The following NKAIN3 variants were observed in gnomAD, a reference collection of about 807,000 sequenced individuals.
NKAIN3 encodes sodium/potassium-transporting ATPase subunit beta-1-interacting protein 3.
Under a neutral mutation model 30.2 loss-of-function variants are expected in NKAIN3, and 25 were observed. That is an observed-to-expected ratio of 0.83 (90% confidence interval 0.60 to 1.16). The LOEUF is 1.16. Ranked by LOEUF, NKAIN3 falls within the 50% of genes most tolerant of loss-of-function variation. The pLI, the probability that NKAIN3 is intolerant of heterozygous loss-of-function variation, is 0.00. For synonymous variants in NKAIN3, 91 were observed against 89.6 expected, an observed-to-expected ratio of 1.02 and a Z score of -0.09; for missense variants, 225 against 254.1, an observed-to-expected ratio of 0.89 and a Z score of 0.78.
intron 3 of NKAIN3, among the ~76,000 whole-genome samples, chr8:62,702,608 T>C (rs907642021): frequency 6.6e-6 from 1 of 152,180 alleles, no homozygotes; most frequent in Non-Finnish European, 1.5e-5. Flanking sequence ...GTTTTCTAGA[T>C]GGTTTCAAAT....
intron 3 of NKAIN3, among the ~76,000 whole-genome samples, chr8:62,672,860 G>C (rs1440672861): frequency 6.6e-6 from 1 of 151,962 alleles, no homozygotes; most frequent in African/African-American, 2.4e-5. Flanking sequence ...TAAAAAAATT[G>C]ATTTTTTCTC....
chr8:62,609,347 G>A (rs1276060435), intron 3 of NKAIN3, among the ~76,000 whole-genome samples: 1 of 152,152 alleles, frequency 6.6e-6, no homozygotes, highest in Middle Eastern at 3.2e-3. Flanking sequence ...ATGTGCTGAA[G>A]GCATTGTACT....
At chr8:62,945,087 C>T (rs940122177) in intron 5 of NKAIN3, among the ~76,000 whole-genome samples, 1 of 152,094 alleles carries the variant, frequency 6.6e-6, no homozygotes, top group African/African-American at 2.4e-5. Flanking sequence ...GGGAGCAAAA[C>T]ATATAAGAGC....
Position 62,675,942 on chromosome 8 carries a change from C to T in NKAIN3, c.274-70990C>T, listed in dbSNP as rs73685431. The stretch of plus-strand genomic sequence containing the variant: ...TATCCTTTATATTTATTTAAAATAC[C>T]CACCCACAAACAATACATTCCCTGC... On this transcript the variant is annotated intron_variant, in intron 3 of 6. Coordinates refer to ENST00000623646, the MANE Select transcript of NKAIN3 (RefSeq NM_001304533.3). Among the ~76,000 whole-genome samples the T allele has an allele frequency of 6.1e-3, 921 of 152,056 alleles. 6 individuals are homozygous for T. Among genetic ancestry groups the T allele is most frequent in the African/African-American group, 0.021 (868 of 41,448 alleles).
At chr8:62,360,248 G>A (rs1480044656) in intron 1 of NKAIN3, among the ~76,000 whole-genome samples, 1 of 152,192 alleles carries the variant, frequency 6.6e-6, no homozygotes, top group Non-Finnish European at 1.5e-5. Flanking sequence ...GGATGGGCTG[G>A]TTACTGATTG....
intron 1 of NKAIN3, among the ~76,000 whole-genome samples, chr8:62,409,134 G>A (rs1244460677): frequency 4.0e-5 from 6 of 151,380 alleles, no homozygotes; most frequent in Non-Finnish European, 7.4e-5. Context: ...TGCTATTTTT[G>A]TCACGGAAGT....
chr8:62,349,760 A>T (rs944766091), intron 1 of NKAIN3, among the ~76,000 whole-genome samples: 1 of 152,128 alleles, frequency 6.6e-6, no homozygotes, highest in Non-Finnish European at 1.5e-5. Context: ...GGCTTGTGCC[A>T]ACCAGAAGAC....
intron 4 of NKAIN3, among the ~76,000 whole-genome samples, chr8:62,887,402 T>C (rs1337359998): frequency 6.6e-6 from 1 of 152,080 alleles, no homozygotes; most frequent in Admixed American, 6.6e-5. Context: ...TGGGTTGATA[T>C]CTGATATTAA....
At chr8:62,811,494 A>G (rs1363437947) in intron 4 of NKAIN3, among the ~76,000 whole-genome samples, 2 of 152,076 alleles carry the variant, frequency 1.3e-5, no homozygotes, top group Non-Finnish European at 2.9e-5. Context: ...CCAGCAATAT[A>G]TGGGTGATCT....
At chr8:62,605,112 C>G (rs536074791) in intron 3 of NKAIN3, among the ~76,000 whole-genome samples, 1 of 152,188 alleles carries the variant, frequency 6.6e-6, no homozygotes, top group Non-Finnish European at 1.5e-5. Flanking sequence ...GAAGCTGACC[C>G]AAACTTAGTG....
At chr8:62,334,687 G>A (rs762512506) in intron 1 of NKAIN3, among the ~76,000 whole-genome samples, 54 of 152,016 alleles carry the variant, frequency 3.6e-4, no homozygotes, top group Non-Finnish European at 4.9e-4. Context: ...AACAACAGCC[G>A]TTTTGTTATA....
At chr8:62,585,402 G>A (rs984566618) in intron 2 of NKAIN3, among the ~76,000 whole-genome samples, 1 of 152,096 alleles carries the variant, frequency 6.6e-6, no homozygotes, top group Non-Finnish European at 1.5e-5. Context: ...TTGCCACATA[G>A]TACTCCTTTA....
intron 3 of NKAIN3, among the ~76,000 whole-genome samples, chr8:62,612,040 A>G (rs7004154): frequency 0.48 from 73,184 of 151,886 alleles, 20,716 homozygotes; most frequent in African/African-American, 0.79. Flanking sequence ...CTGATGATCA[A>G]TGATGCTAAA....
chr8:62,656,949 T>C (rs372099540), intron 3 of NKAIN3, among the ~76,000 whole-genome samples: 2 of 152,174 alleles, frequency 1.3e-5, no homozygotes, highest in East Asian at 1.9e-4. Flanking sequence ...TCATGAGAAA[T>C]GAATCATTTT....
chr8:62,252,652 C>T (rs756225553), intron 1 of NKAIN3, among the ~76,000 whole-genome samples: 3 of 152,158 alleles, frequency 2.0e-5, no homozygotes, highest in Non-Finnish European at 2.9e-5. Context: ...AGTATGAATA[C>T]AGGCCCATCA....
intron 4 of NKAIN3, among the ~76,000 whole-genome samples, chr8:62,763,223 A>T (rs1816725756): frequency 3.7e-5 from 1 of 27,240 alleles, no homozygotes; most frequent in Non-Finnish European, 6.6e-5. Flanking sequence ...CTCCGTCTCA[A>T]AAAAAAAAAA....
chr8:62,378,277 C>T (rs1817158000), intron 1 of NKAIN3, among the ~76,000 whole-genome samples: 3 of 152,064 alleles, frequency 2.0e-5, no homozygotes, highest in Admixed American at 2.0e-4. Context: ...AATTTCTAAG[C>T]AGTAAAGCAT....
chr8:62,744,742 G>A (rs895835689), intron 3 of NKAIN3, among the ~76,000 whole-genome samples: 1 of 152,092 alleles, frequency 6.6e-6, no homozygotes, highest in Non-Finnish European at 1.5e-5. Context: ...GGTAGCTGAA[G>A]CAATTATTTC....
intron 5 of NKAIN3, among the ~76,000 whole-genome samples, chr8:62,920,431 T>C (rs1186128638): frequency 6.6e-6 from 1 of 152,196 alleles, no homozygotes; most frequent in African/African-American, 2.4e-5. Context: ...AGTCTTTTCC[T>C]TGAGACTTGT....
Sources: allele counts gnomAD v4.1 joint callset (sites outside exome capture counted in the v4.1 genomes callset), GRCh38; gene constraint gnomAD v4.1.1; transcripts MANE v1.5; gene names NCBI Gene and HGNC (gene_info 2026-07-23, HGNC 2026-07-21).